MLIP: variants seen among roughly 807,000 people sequenced by gnomAD.
The protein encoded by MLIP is muscular LMNA interacting protein.
MLIP carries 79 observed loss-of-function variants against 84.8 expected under a neutral mutation model. The ratio of observed to expected loss-of-function variants is 0.93; its 90% CI spans 0.78 to 1.12. MLIP has a LOEUF of 1.12. MLIP is among the 50% of genes most tolerant of loss of function. The pLI is 0.00. For missense variants in MLIP, 1,257 were observed against 1,160.6 expected (o/e 1.08, Z -1.21); for synonymous variants, 504 against 463.0 (o/e 1.09, Z -1.14).
chr6:54,070,707 G>A (rs1766433941), intron 1 of MLIP, among the ~76,000 whole-genome samples: 1 of 152,084 alleles, frequency 6.6e-6, no homozygotes, highest in Admixed American at 6.6e-5. Flanking sequence ...TGCAGTTTGA[G>A]GGGCCTATGG....
intron 1 of MLIP, among the ~76,000 whole-genome samples, chr6:54,097,357 A>T (rs974471634): frequency 6.6e-6 from 1 of 152,184 alleles, no homozygotes; most frequent in African/African-American, 2.4e-5. Flanking sequence ...ATGTCACATC[A>T]TTTTAAAGAA....
rs201524059 is a variant in MLIP at position 54,169,559 on chromosome 6, G to A, written c.2531G>A (p.Arg844Gln). ...ACAACTCTTCCAAGAGCAGCTGGTCGAGAAACCAAATATGTAAGTACCTTT... is the reference window on the plus strand; with the variant it reads ...ACAACTCTTCCAAGAGCAGCTGGTCAAGAAACCAAATATGTAAGTACCTTT... The part of the protein sequence containing the change: ...TPTTLPRAAG[R>Q]ETKYANLSSP... The change falls in exon 9 of 14, where the codon CGA becomes CAA. Residue 844 changes from arginine (R) to glutamine (Q), a missense_variant. Coordinates refer to ENST00000502396, the MANE Select transcript of MLIP (RefSeq NM_001281747.2). 28 of 1,588,658 alleles carry A rather than the reference G, an allele frequency of 1.8e-5. No individual in the cohort carries two copies. The highest frequency in any genetic ancestry group is 3.5e-5 in the Admixed American group (2 of 56,830).
chr6:54,122,450 G>A (rs1284399652), intron 2 of MLIP, among the ~76,000 whole-genome samples: 1 of 152,096 alleles, frequency 6.6e-6, no homozygotes, highest in African/African-American at 2.4e-5. Flanking sequence ...GAGTAAAAAT[G>A]TTTTTCTCTT....
intron 9 of MLIP, 123 bp from the exon 10 acceptor site, chr6:54,189,747 T>C: frequency 1.4e-6 from 1 of 711,726 alleles, no homozygotes; most frequent in Non-Finnish European, 2.4e-6. Context: ...TTTCCTTTTC[T>C]TTATACTTTT....
chr6:54,040,807 T>C (rs1764701078), intron 1 of MLIP, among the ~76,000 whole-genome samples: 1 of 151,830 alleles, frequency 6.6e-6, no homozygotes, highest in Non-Finnish European at 1.5e-5. Context: ...ATAGAATTAA[T>C]GAAGAAACAG....
At chr6:54,045,467 C>T (rs1764991823) in intron 1 of MLIP, 1 of 152,084 alleles carries the variant, frequency 6.6e-6, no homozygotes, top group East Asian at 1.9e-4. Flanking sequence ...TCTTGTGAGT[C>T]GTCGTGACTT....
At chr6:54,042,194 C>T (rs1764782845) in intron 1 of MLIP, among the ~76,000 whole-genome samples, 2 of 152,104 alleles carry the variant, frequency 1.3e-5, no homozygotes, top group Admixed American at 1.3e-4. Flanking sequence ...TACTCACAGC[C>T]TTTCTGTGAA....
chr6:54,236,796 A>G (rs145550187), intron 12 of MLIP, among the ~76,000 whole-genome samples: 7 of 152,100 alleles, frequency 4.6e-5, no homozygotes, highest in African/African-American at 1.7e-4. Flanking sequence ...TAGGTAAGCT[A>G]CTCTTATGCT....
intron 11 of MLIP, chr6:54,217,723 C>A: frequency 1.0e-6 from 1 of 984,998 alleles, no homozygotes. Flanking sequence ...GACTAAAAAG[C>A]GGTTTAAAGC....
At chr6:54,201,050 T>G (rs1163262574) in intron 10 of MLIP, among the ~76,000 whole-genome samples, 1 of 152,210 alleles carries the variant, frequency 6.6e-6, no homozygotes, top group Non-Finnish European at 1.5e-5. Flanking sequence ...TCACAGCTTT[T>G]TATTAAATTA....
chr6:54,245,502 G>C (rs1021580859), intron 12 of MLIP, among the ~76,000 whole-genome samples: 16 of 152,160 alleles, frequency 1.1e-4, no homozygotes, highest in African/African-American at 3.9e-4. Context: ...TCTTAGCTGA[G>C]TGAATGCGCA....
Position 54,175,318 on chromosome 6 carries a change from T to C in MLIP, c.2544+5746T>C, listed in dbSNP as rs543855781. 5.9e-5 allele frequency among the ~76,000 whole-genome samples: 9 copies of C among 152,254 alleles called. No homozygotes were observed. The South Asian group carries it at 1.9e-3, about 32-fold the overall frequency. On this transcript the variant is annotated intron_variant, in intron 9 of 13. Coordinates refer to ENST00000502396, the MANE Select transcript of MLIP (RefSeq NM_001281747.2). ...GTATTTTGATAGGAATTGCTTTGAATCTGTAGTACTTTGGGTAGTATGGAC... is the reference window on the plus strand; with the variant it reads ...GTATTTTGATAGGAATTGCTTTGAACCTGTAGTACTTTGGGTAGTATGGAC...
chr6:54,056,932 G>T lies in MLIP; in HGVS notation c.63+37841G>T, dbSNP rs74839797. Reference sequence around the variant, plus strand: ...TTGTACAATGTTCTAAGGTAGTAGGGTTATTTTTGCTTTATAAATGAGAAA... The same window carrying T: ...TTGTACAATGTTCTAAGGTAGTAGGTTTATTTTTGCTTTATAAATGAGAAA... On this transcript the variant is annotated intron_variant, in intron 1 of 12. Transcript: ENST00000274897. Among the ~76,000 whole-genome samples the T allele has an allele frequency of 5.1e-4, 77 of 152,224 alleles. 1 individual carries two copies. The South Asian group carries it at 7.1e-3, about 14-fold the overall frequency.
intron 12 of MLIP, among the ~76,000 whole-genome samples, chr6:54,239,381 TAA>T (rs1491177889): frequency 2.0e-5 from 3 of 147,164 alleles, no homozygotes; most frequent in Non-Finnish European, 4.5e-5. Context: ...TATATATATA[TAA>T]TATATATATA....
At chr6:54,167,865 C>T (rs1775355345) in intron 8 of MLIP, among the ~76,000 whole-genome samples, 1 of 151,732 alleles carries the variant, frequency 6.6e-6, no homozygotes, top group Admixed American at 6.6e-5. Context: ...CCTAGGGGCT[C>T]AATCTGTTTT....
intron 13 of MLIP, among the ~76,000 whole-genome samples, chr6:54,264,452 C>T (rs1197564103): frequency 1.3e-5 from 2 of 151,904 alleles, no homozygotes; most frequent in Non-Finnish European, 2.9e-5. Context: ...TAATTTGGAG[C>T]ACTATGACCT....
Position 54,160,770 on chromosome 6 carries a change from A to T in MLIP, c.2470A>T (p.Lys824Ter). Residue 824 changes from lysine (K) to a stop codon, truncating the protein, a stop_gained, in exon 8 of 14, where the codon AAG becomes TAG. Transcript: ENST00000502396. LOFTEE classifies it high-confidence loss of function. ...HSSDSPSRSPKTLLGSDTVKT... is the reference protein window; with the variant it reads ...HSSDSPSRSP ...TTCTGATTCTCCTTCAAGGTCCCCAAAGACATTGTTGGGTTCTGACACAGT... is the reference window on the plus strand; with the variant it reads ...TTCTGATTCTCCTTCAAGGTCCCCATAGACATTGTTGGGTTCTGACACAGT... The T allele has an allele frequency of 6.2e-7, 1 of 1,605,090 alleles. No homozygotes were observed. Among genetic ancestry groups the T allele is most frequent in the South Asian group, 1.1e-5 (1 of 90,796 alleles).
intron 11 of MLIP, among the ~76,000 whole-genome samples, chr6:54,204,893 C>A (rs1253643412): frequency 2.0e-5 from 3 of 152,152 alleles, no homozygotes; most frequent in African/African-American, 7.2e-5. Context: ...TTTGTATCCC[C>A]ATTTGAATGT....
intron 1 of MLIP, among the ~76,000 whole-genome samples, chr6:54,042,998 G>A (rs1764832820): frequency 6.6e-6 from 1 of 152,200 alleles, no homozygotes; most frequent in South Asian, 2.1e-4. Flanking sequence ...TTTAGACACA[G>A]TTGTGTCTGT....
Sources: gnomAD v4.1 joint callset for allele counts (sites outside exome capture counted in the v4.1 genomes callset) on GRCh38, gnomAD v4.1.1 for gene constraint, MANE v1.5 for transcripts, NCBI Gene and HGNC (gene_info 2026-07-23, HGNC 2026-07-21) for gene names.